The following F8 variants were observed in gnomAD, a reference collection of about 807,000 sequenced individuals.
The protein encoded by F8 is antihemophilic factor.
In F8, 12 loss-of-function variants were observed where a neutral mutation model predicts 140.6. The ratio of observed to expected loss-of-function variants is 0.09; its 90% CI spans 0.05 to 0.14. The LOEUF (loss-of-function observed/expected upper bound fraction) is 0.14. Among genes scored for constraint, F8 ranks in the 10% least tolerant of loss-of-function variants. F8 has a pLI of 1.00. For synonymous variants in F8, 585 were observed against 614.6 expected, an observed-to-expected ratio of 0.95 and a Z score of 0.71; for missense variants, 1,354 against 1,720.7, an observed-to-expected ratio of 0.79 and a Z score of 3.77.
chrX:154,987,286 C>T lies in F8; in HGVS notation c.621G>A (p.Lys207=). The change falls in exon 5 of 26, where the codon AAG becomes AAA. Residue 207 remains lysine, a synonymous_variant. Coordinates refer to ENST00000360256, the MANE Select transcript of F8 (RefSeq NM_000132.4). The stretch of plus-strand genomic sequence containing the variant: ...GTATAAATTTGTGCAAGGTCTGTGT[C>T]TTTTCCTTGGCCAGACTCCCTGAAA... ...VCREGSLAKE[K]TQTLHKFILL... is the part of the protein sequence containing the mutation. The T allele has an allele frequency of 8.3e-7, 1 of 1,210,048 alleles. No homozygotes were observed. The highest frequency in any genetic ancestry group is 1.1e-6 in the Non-Finnish European group (1 of 893,933).
intron 22 of F8, among the ~76,000 whole-genome samples, chrX:154,874,603 C>T (rs1230341527): frequency 8.9e-6 from 1 of 112,223 alleles, no homozygotes; most frequent in Non-Finnish European, 1.9e-5. Flanking sequence ...GGCCCTACCT[C>T]CCAACACTGT....
intron 22 of F8, among the ~76,000 whole-genome samples, chrX:154,891,419 G>T (rs1260955945): frequency 8.9e-6 from 1 of 112,891 alleles, no homozygotes; most frequent in African/African-American, 3.2e-5. Flanking sequence ...AACTAACAGT[G>T]AACATTATAT....
intron 22 of F8, among the ~76,000 whole-genome samples, chrX:154,878,371 G>A (rs1438406407): frequency 2.3e-5 from 2 of 87,753 alleles, no homozygotes; most frequent in Admixed American, 2.9e-4. Context: ...ACCCCTGCAA[G>A]TTCATTCTGG....
At chrX:154,935,654 A>G (rs1457303995) in intron 13 of F8, among the ~76,000 whole-genome samples, 2 of 111,552 alleles carry the variant, frequency 1.8e-5, no homozygotes, top group Non-Finnish European at 3.8e-5. Flanking sequence ...CATCAAAAGC[A>G]CAAGTGACAC....
chrX:154,934,006 C>T (rs1250714179), intron 13 of F8, among the ~76,000 whole-genome samples: 2 of 111,743 alleles, frequency 1.8e-5, no homozygotes, highest in Non-Finnish European at 3.8e-5. Flanking sequence ...TTTGCCCACT[C>T]CTGATGTAGA....
intron 22 of F8, among the ~76,000 whole-genome samples, chrX:154,880,061 A>G (rs916998991): frequency 2.7e-5 from 3 of 112,059 alleles, no homozygotes; most frequent in Admixed American, 9.5e-5. Flanking sequence ...GTATTAAATG[A>G]ATTTACACTA....
At chrX:154,913,817 C>T (rs782139752) in intron 14 of F8, among the ~76,000 whole-genome samples, 15 of 112,877 alleles carry the variant, frequency 1.3e-4, no homozygotes, top group African/African-American at 4.5e-4. Flanking sequence ...CATGGGCTGG[C>T]ATTGAGTGCC....
At position 154,987,283 on chromosome X, in the gene F8, T is replaced by G; in HGVS notation, c.624A>C (p.Thr208=). 1 of 1,210,475 alleles carries G rather than the reference T, an allele frequency of 8.3e-7. No individual in the cohort carries two copies. Among genetic ancestry groups the G allele is most frequent in the Non-Finnish European group, 1.1e-6 (1 of 894,144 alleles). The change falls in exon 5 of 26, where the codon ACA becomes ACC. Residue 208 remains threonine (T), a synonymous_variant. Transcript: ENST00000360256. ...CREGSLAKEK[T]QTLHKFILLF... The stretch of plus-strand genomic sequence containing the variant: ...GTAGTATAAATTTGTGCAAGGTCTG[T>G]GTCTTTTCCTTGGCCAGACTCCCTG...
intron 24 of F8, 119 bp from the exon 25 acceptor site, chrX:154,860,727 T>G: frequency 3.0e-6 from 2 of 677,937 alleles, no homozygotes; most frequent in Admixed American, 2.5e-5. Flanking sequence ...TGAGACGGAG[T>G]CTTGCTCTGT....
chrX:155,002,428 C>G (rs782739955), intron 1 of F8, among the ~76,000 whole-genome samples: 24 of 111,684 alleles, frequency 2.1e-4, no homozygotes, highest in Non-Finnish European at 3.4e-4. Flanking sequence ...GAAGATCACT[C>G]TCACCAATGT....
At chrX:154,988,810 C>A (rs140815785) in intron 4 of F8, among the ~76,000 whole-genome samples, 1 of 111,724 alleles carries the variant, frequency 9.0e-6, no homozygotes, top group Non-Finnish European at 1.9e-5. Context: ...GAGTGAGCAG[C>A]AGCTGTGCTC....
chrX:154,972,926 CG>C (rs1284966611), intron 6 of F8, among the ~76,000 whole-genome samples: 1 of 109,361 alleles, frequency 9.1e-6, no homozygotes, highest in Non-Finnish European at 1.9e-5. Context: ...TTGGCCAGGC[CG>C]GTCTCAAACT....
rs185083421 is a variant in F8 at position 154,863,486 on chromosome X, C to T, written c.6430-259G>A. On this transcript the variant is annotated intron_variant, in intron 22 of 25. Transcript: ENST00000360256. ...CTACTTTGAGTTCCTGTAAAAGGCT[C>T]ATAAAAGTTGAGGAAGCCATTTGGG... 1.1e-4 allele frequency among the ~76,000 whole-genome samples: 12 copies of T among 111,451 alleles called. 1 individual carries two copies. The highest frequency in any genetic ancestry group is 9.5e-4 in the Admixed American group (10 of 10,523).
At chrX:154,983,701 G>A (rs1557283962) in intron 6 of F8, among the ~76,000 whole-genome samples, 2 of 112,177 alleles carry the variant, frequency 1.8e-5, no homozygotes, top group African/African-American at 6.5e-5. Flanking sequence ...TAGCAGTGTT[G>A]GAAGGCCAGC....
At chrX:154,879,844 C>T (rs2072846610) in intron 22 of F8, among the ~76,000 whole-genome samples, 1 of 111,191 alleles carries the variant, frequency 9.0e-6, no homozygotes, top group Non-Finnish European at 1.9e-5. Flanking sequence ...CATTTCCGTC[C>T]TTCACTCTCT....
intron 4 of F8, among the ~76,000 whole-genome samples, chrX:154,988,660 C>T (rs1418529524): frequency 8.9e-6 from 1 of 112,029 alleles, no homozygotes; most frequent in African/African-American, 3.2e-5. Context: ...TTTGGAGATA[C>T]TGGCCAATGG....
At chrX:154,846,301 G>A (rs12388765) in intron 25 of F8, among the ~76,000 whole-genome samples, 1,373 of 111,699 alleles carry the variant, frequency 0.012, 24 homozygotes, top group African/African-American at 0.042. Flanking sequence ...TATTAGGTCC[G>A]CTTGCTGCAG....
chrX:155,007,967 C>T (rs1047534200), intron 1 of F8, among the ~76,000 whole-genome samples: 2 of 111,156 alleles, frequency 1.8e-5, no homozygotes, highest in African/African-American at 6.5e-5. Context: ...CTAATCTTGG[C>T]GTAACTTAGC....
Position 154,863,232 on chromosome X carries a change from A to G in F8, c.6430-5T>C, listed in dbSNP as rs782103519. ...ATCCACATTGCCAAAGAAGACCTGT[A>G]TGGAGAGATTAGCACAAATACATGG... On this transcript the variant is annotated splice_polypyrimidine_tract_variant and splice_region_variant and intron_variant, in intron 22 of 25. Transcript: ENST00000360256. 5 of 1,207,466 alleles carry G rather than the reference A, an allele frequency of 4.1e-6. No individual in the cohort carries two copies. The highest frequency in any genetic ancestry group is 4.5e-6 in the Non-Finnish European group (4 of 891,329).
Sources: allele counts gnomAD v4.1 joint callset (sites outside exome capture counted in the v4.1 genomes callset), GRCh38; gene constraint gnomAD v4.1.1; transcripts MANE v1.5; gene names NCBI Gene and HGNC (gene_info 2026-07-23, HGNC 2026-07-21).